The following STK32A variants were observed in gnomAD, a reference collection of about 807,000 sequenced individuals.
STK32A encodes the protein serine/threonine kinase 32A.
Under a neutral mutation model 53.2 loss-of-function variants are expected in STK32A, and 41 were observed. The ratio of observed to expected loss-of-function variants is 0.77; its 90% CI spans 0.60 to 1.00. The LOEUF (loss-of-function observed/expected upper bound fraction) is 1.00. STK32A is among the 50% of genes least tolerant of loss of function. The pLI is 0.00. For missense variants in STK32A, 458 were observed against 485.8 expected (o/e 0.94, Z 0.54); for synonymous variants, 166 against 162.8 (o/e 1.02, Z -0.15).
chr5:147,293,831 A>G (rs1198839221), intron 4 of STK32A, among the ~76,000 whole-genome samples: 3 of 151,692 alleles, frequency 2.0e-5, no homozygotes, highest in Non-Finnish European at 2.9e-5. Flanking sequence ...TTCTTTTTGA[A>G]GTTTAATCAA....
intron 4 of STK32A, among the ~76,000 whole-genome samples, chr5:147,299,982 C>T (rs1398755877): frequency 6.6e-6 from 1 of 152,088 alleles, no homozygotes; most frequent in Non-Finnish European, 1.5e-5. Flanking sequence ...ATAGCTCAGC[C>T]TTCTCTGAGC....
At chr5:147,359,315 T>C (rs937455896) in intron 7 of STK32A, among the ~76,000 whole-genome samples, 1 of 152,204 alleles carries the variant, frequency 6.6e-6, no homozygotes, top group African/African-American at 2.4e-5. Context: ...ACCAAAATGC[T>C]TCAGTGCCTT....
intron 2 of STK32A, among the ~76,000 whole-genome samples, chr5:147,270,712 C>T (rs1265594788): frequency 1.3e-5 from 2 of 152,132 alleles, no homozygotes; most frequent in African/African-American, 2.4e-5. Context: ...CAGCTTCACT[C>T]AGCATTAAAG....
At chr5:147,311,052 A>G (rs1210614703) in intron 4 of STK32A, among the ~76,000 whole-genome samples, 1 of 152,074 alleles carries the variant, frequency 6.6e-6, no homozygotes, top group African/African-American at 2.4e-5. Context: ...ATCACCCCCC[A>G]TCTTTTTTAC....
intron 7 of STK32A, among the ~76,000 whole-genome samples, chr5:147,356,553 C>A (rs1181169533): frequency 6.6e-6 from 1 of 151,984 alleles, no homozygotes; most frequent in Non-Finnish European, 1.5e-5. Context: ...CAGTACTGTC[C>A]CTTTGTTCAT....
intron 4 of STK32A, among the ~76,000 whole-genome samples, chr5:147,294,807 C>G (rs764046308): frequency 6.6e-5 from 10 of 152,072 alleles, no homozygotes; most frequent in Non-Finnish European, 1.0e-4. Flanking sequence ...CTTCAGCCTC[C>G]CAAGTAGCTG....
At chr5:147,266,950 G>A (rs1754837760) in intron 2 of STK32A, among the ~76,000 whole-genome samples, 1 of 151,700 alleles carries the variant, frequency 6.6e-6, no homozygotes, top group South Asian at 2.1e-4. Context: ...TTAAACCTGG[G>A]AGGCAGAGGT....
chr5:147,239,624 C>T lies in STK32A; in HGVS notation c.-11C>T. ...TATAAATCGAGGATCCAGGTCTGGG[C>T]AGATTCAACCATGGGAGCGAACACT... On this transcript the variant is annotated 5_prime_UTR_variant, in exon 2 of 13. Transcript: ENST00000397936. 2 of 1,602,892 alleles carry T rather than the reference C, an allele frequency of 1.2e-6. No homozygotes were observed. The highest frequency in any genetic ancestry group is 1.3e-5 in the African/African-American group (1 of 74,748).
intron 8 of STK32A, among the ~76,000 whole-genome samples, chr5:147,367,153 C>T (rs1031071168): frequency 1.3e-5 from 2 of 151,926 alleles, no homozygotes; most frequent in Non-Finnish European, 1.5e-5. Flanking sequence ...GCAACCACCC[C>T]CTCCTCTGTC....
intron 2 of STK32A, among the ~76,000 whole-genome samples, chr5:147,261,378 T>C (rs6884892): frequency 0.3 from 44,851 of 151,784 alleles, 6,938 homozygotes; most frequent in African/African-American, 0.36. Context: ...CATGTGGCCC[T>C]TGCTGCTGTG....
At chr5:147,351,375 A>G (rs183490035) in intron 7 of STK32A, among the ~76,000 whole-genome samples, 1 of 152,286 alleles carries the variant, frequency 6.6e-6, no homozygotes, top group African/African-American at 2.4e-5. Flanking sequence ...TCGTGTGTCA[A>G]GGAAGACCGT....
intron 4 of STK32A, among the ~76,000 whole-genome samples, chr5:147,323,195 TCA>T (rs1342935511): frequency 1.3e-5 from 2 of 152,184 alleles, no homozygotes; most frequent in African/African-American, 4.8e-5. Flanking sequence ...GGGGTCACAC[TCA>T]CAGAGTGTGT....
At position 147,365,722 on chromosome 5, in the gene STK32A, C is replaced by T. The variant is rs564111948; in HGVS notation, c.660+4108C>T. ...GCTTCTGGGGTTCAGAGCAATTGTG[C>T]TCTGCCCTCATCTTTTATGACACAC... On this transcript the variant is annotated intron_variant, in intron 8 of 12. Transcript: ENST00000397936. 9.2e-5 allele frequency among the ~76,000 whole-genome samples: 14 copies of T among 152,214 alleles called. 1 individual carries two copies. The South Asian group carries it at 2.7e-3, about 29-fold the overall frequency.
intron 5 of STK32A, 89 bp from the exon 6 acceptor site, chr5:147,342,917 A>G (rs1432168159): frequency 1.4e-5 from 16 of 1,139,066 alleles, no homozygotes; most frequent in Admixed American, 5.4e-5. Context: ...TTTCAACTCC[A>G]GTTAGCTTTC....
At chr5:147,370,793 C>A in intron 9 of STK32A, 23 bp downstream of exon 9, 1 of 1,486,800 alleles carries the variant, frequency 6.7e-7, no homozygotes, top group Non-Finnish European at 9.4e-7. Context: ...ACTGCATGTC[C>A]AAACGAAGTA....
intron 11 of STK32A, among the ~76,000 whole-genome samples, chr5:147,382,375 A>G (rs1293753887): frequency 6.6e-6 from 1 of 151,924 alleles, no homozygotes; most frequent in African/African-American, 2.4e-5. Flanking sequence ...CTCTTTGAGC[A>G]TCTTTAAGAT....
intron 2 of STK32A, among the ~76,000 whole-genome samples, chr5:147,251,214 A>C (rs1378714428): frequency 6.6e-6 from 1 of 152,154 alleles, no homozygotes; most frequent in African/African-American, 2.4e-5. Flanking sequence ...TTTGGGTTTT[A>C]ATGCTCTGCA....
intron 5 of STK32A, among the ~76,000 whole-genome samples, chr5:147,336,213 G>A (rs929146794): frequency 6.6e-5 from 10 of 152,122 alleles, no homozygotes; most frequent in South Asian, 6.2e-4. Context: ...GCCTATACAG[G>A]GCTCATGTTT....
intron 2 of STK32A, among the ~76,000 whole-genome samples, chr5:147,269,536 C>T (rs1458619198): frequency 3.9e-5 from 6 of 152,128 alleles, no homozygotes; most frequent in Admixed American, 1.3e-4. Context: ...TTGCCTTTAG[C>T]GAATCATAGC....
Sources: gnomAD v4.1 joint callset for allele counts (sites outside exome capture counted in the v4.1 genomes callset) on GRCh38, gnomAD v4.1.1 for gene constraint, MANE v1.5 for transcripts, NCBI Gene and HGNC (gene_info 2026-07-23, HGNC 2026-07-21) for gene names.